The following FBXO22 variants were observed in gnomAD, a reference collection of about 807,000 sequenced individuals.
FBXO22 encodes the protein F-box only protein 22.
Under a neutral mutation model 37.2 loss-of-function variants are expected in FBXO22, and 13 were observed. The observed-to-expected ratio is 0.35, with a 90% CI of 0.23 to 0.56. The LOEUF (loss-of-function observed/expected upper bound fraction) is 0.56, where lower values mean the gene tolerates loss of function less well. Ranked by LOEUF, FBXO22 falls within the 20% of genes least tolerant of loss-of-function variation. The pLI, the probability that FBXO22 is intolerant of heterozygous loss-of-function variation, is 0.87. For missense variants in FBXO22, 446 were observed against 509.9 expected, an observed-to-expected ratio of 0.87 and a Z score of 1.21; for synonymous variants, 189 against 189.1, an observed-to-expected ratio of 1.00 and a Z score of 0.00.
chr15:75,907,760 CA>C (rs1375018721), intron 2 of FBXO22, among the ~76,000 whole-genome samples: 1 of 146,818 alleles, frequency 6.8e-6, no homozygotes, highest in Non-Finnish European at 1.5e-5. Context: ...TTAAAAATAT[CA>C]AATATATAAA....
Position 75,941,832 on chromosome 15 carries a change from G to C in FBXO22, c.*8730G>C, listed in dbSNP as rs1002664234. On this transcript the variant is annotated 3_prime_UTR_variant, in exon 7 of 7. Coordinates refer to ENST00000308275, the MANE Select transcript of FBXO22 (RefSeq NM_147188.3). ...TGAAAAAGTTCCGGAGGTGCATAGT[G>C]GTGACTGGTACATACAACGAATGTA... 15 of 151,302 alleles carry C rather than the reference G, an allele frequency of 9.9e-5. No individual in the cohort carries two copies. Among genetic ancestry groups the C allele is most frequent in the African/African-American group, 3.4e-4 (14 of 41,120 alleles). 9.4% of individuals were successfully genotyped at this position (151,302 alleles called of 1,614,324 possible). A position where few individuals can be genotyped will look rare whatever the true frequency, so the allele number is the denominator to read the frequency against.
chr15:75,904,840 T>TTTGAGACCGTAG (rs1342506442), intron 2 of FBXO22, among the ~76,000 whole-genome samples: 1 of 149,260 alleles, frequency 6.7e-6, no homozygotes, highest in Non-Finnish European at 1.5e-5. Flanking sequence ...TTTTTTTTTT[T>TTTGAGACCGTAG]TGAGACGTAG....
rs2030871315 is a variant in FBXO22, at chr15:75,940,750, C to T, written c.*7648C>T. ...GCTATTCCAAGGATAGTTTTTTCAA[C>T]AAATAATGATGGGAAAGCTGGATAA... is the stretch of plus-strand genomic sequence containing the variant. On this transcript the variant is annotated 3_prime_UTR_variant, in exon 7 of 7. Transcript: ENST00000308275. 1 of 146,504 alleles carries T rather than the reference C, an allele frequency of 6.8e-6. No individual in the cohort carries two copies. The highest frequency in any genetic ancestry group is 1.5e-5 in the Non-Finnish European group (1 of 66,644). The allele number at this position is 146,504 out of a possible 1,614,324, so 9.1% of individuals were successfully genotyped here.
At chr15:75,930,739 A>G (rs1460692271) in intron 6 of FBXO22, 5 of 985,246 alleles carry the variant, frequency 5.1e-6, no homozygotes, top group Non-Finnish European at 6.0e-6. Context: ...GGACATAAAT[A>G]TCATTTGTTT....
intron 5 of FBXO22, among the ~76,000 whole-genome samples, chr15:75,924,962 A>G (rs1397471068): frequency 6.6e-6 from 1 of 152,078 alleles, no homozygotes; most frequent in East Asian, 1.9e-4. Flanking sequence ...GATTTTCTGG[A>G]TTTGAGTTTT....
At chr15:75,925,973 T>C (rs1247887355) in intron 5 of FBXO22, among the ~76,000 whole-genome samples, 1 of 152,232 alleles carries the variant, frequency 6.6e-6, no homozygotes, top group Non-Finnish European at 1.5e-5. Flanking sequence ...CTACAGTAGT[T>C]AACTTGATTA....
Position 75,925,697 on chromosome 15 carries a change from G to T in FBXO22, c.629-4187G>T, listed in dbSNP as rs192212825. On this transcript the variant is annotated intron_variant, in intron 5 of 6. Coordinates refer to ENST00000308275, the MANE Select transcript of FBXO22 (RefSeq NM_147188.3). ...TGTTAAAAAAAAAAAAAAAAGCGAT[G>T]CTGACATCTATTCAAGACAATGAGG... Among the ~76,000 whole-genome samples, 10 of 148,532 alleles carry T rather than the reference G, an allele frequency of 6.7e-5. No homozygotes were observed. In the East Asian group the frequency reaches 2.0e-3, roughly 29 times the overall value.
intron 5 of FBXO22, among the ~76,000 whole-genome samples, 178 bp from the exon 6 acceptor site, chr15:75,929,706 C>G (rs1047017790): frequency 1.3e-4 from 20 of 151,830 alleles, no homozygotes; most frequent in Non-Finnish European, 2.6e-4. Flanking sequence ...AAACTTGATA[C>G]AGAGATCGAA....
chr15:75,906,732 T>G (rs1035241384), intron 2 of FBXO22, among the ~76,000 whole-genome samples: 2 of 152,316 alleles, frequency 1.3e-5, no homozygotes, highest in Admixed American at 1.3e-4. Flanking sequence ...AAAACTTTTC[T>G]TCTCTGGCAC....
chr15:75,914,081 T>C (rs951712802), intron 3 of FBXO22, 29 bp from the exon 4 acceptor site: 3 of 1,493,312 alleles, frequency 2.0e-6, no homozygotes, highest in African/African-American at 2.8e-5. Flanking sequence ...ATGGATGATA[T>C]TTATCATTTT....
At chr15:75,915,445 G>A (rs1403478715) in intron 4 of FBXO22, among the ~76,000 whole-genome samples, 1 of 152,102 alleles carries the variant, frequency 6.6e-6, no homozygotes, top group Non-Finnish European at 1.5e-5. Context: ...TTTCTAAAGG[G>A]CTTAACATTT....
intron 2 of FBXO22, among the ~76,000 whole-genome samples, chr15:75,911,113 A>G (rs1011927792): frequency 1.3e-5 from 2 of 152,120 alleles, no homozygotes; most frequent in Non-Finnish European, 2.9e-5. Flanking sequence ...GTTCTGTTCC[A>G]TTGGTCTGTA....
intron 5 of FBXO22, among the ~76,000 whole-genome samples, chr15:75,917,980 T>C (rs1319405651): frequency 6.6e-6 from 1 of 152,218 alleles, no homozygotes; most frequent in Non-Finnish European, 1.5e-5. Flanking sequence ...TGGCTTAATG[T>C]CTAAGCTTGG....
At chr15:75,927,418 C>G (rs537881669) in intron 5 of FBXO22, among the ~76,000 whole-genome samples, 1 of 152,146 alleles carries the variant, frequency 6.6e-6, no homozygotes, top group Non-Finnish European at 1.5e-5. Context: ...ATTTAGAAGT[C>G]ATGAGGTTTC....
chr15:75,922,630 A>G (rs909898942), intron 5 of FBXO22, among the ~76,000 whole-genome samples: 1 of 152,226 alleles, frequency 6.6e-6, no homozygotes, highest in Admixed American at 6.5e-5. Context: ...CATTCAGGCC[A>G]GGCTAAAGAG....
chr15:75,905,414 G>A (rs1275126981), intron 2 of FBXO22, among the ~76,000 whole-genome samples: 1 of 152,228 alleles, frequency 6.6e-6, no homozygotes, highest in Non-Finnish European at 1.5e-5. Flanking sequence ...GCTGCAGGGT[G>A]TACCATCTCT....
chr15:75,927,631 T>C (rs1900472345), intron 5 of FBXO22, among the ~76,000 whole-genome samples: 1 of 152,206 alleles, frequency 6.6e-6, no homozygotes, highest in South Asian at 2.1e-4. Flanking sequence ...TTTCGTGGGC[T>C]AGTCTATAAG....
At chr15:75,904,863 G>GC (rs1246182543) in intron 2 of FBXO22, among the ~76,000 whole-genome samples, 10 of 140,760 alleles carry the variant, frequency 7.1e-5, no homozygotes, top group Non-Finnish European at 1.2e-4. Context: ...TCGCTCTGTG[G>GC]CCCAGGCTGG....
chr15:75,928,355 C>T (rs1007243659), intron 5 of FBXO22, among the ~76,000 whole-genome samples: 1 of 152,044 alleles, frequency 6.6e-6, no homozygotes, highest in South Asian at 2.1e-4. Flanking sequence ...AACCTGAATG[C>T]CCATCAGTGA....
Sources: allele counts gnomAD v4.1 joint callset (sites outside exome capture counted in the v4.1 genomes callset), GRCh38; gene constraint gnomAD v4.1.1; transcripts MANE v1.5; gene names NCBI Gene and HGNC (gene_info 2026-07-23, HGNC 2026-07-21).